OPTN: variants seen among roughly 807,000 people sequenced by gnomAD.
OPTN encodes the protein E3-14.7K-interacting protein.
A neutral mutation model predicts 70.4 loss-of-function variants in OPTN; 54 were observed. The ratio of observed to expected loss-of-function variants is 0.77; its 90% CI spans 0.62 to 0.96. The LOEUF is 0.96. Ranked by LOEUF, OPTN falls within the 40% of genes least tolerant of loss-of-function variation. The pLI, the probability that OPTN is intolerant of heterozygous loss-of-function variation, is 0.00. For missense variants in OPTN, 624 were observed against 673.2 expected, an observed-to-expected ratio of 0.93 and a Z score of 0.81; for synonymous variants, 256 against 248.5, an observed-to-expected ratio of 1.03 and a Z score of -0.28.
intron 2 of OPTN, 55 bp from the exon 3 acceptor site, chr10:13,109,057 G>T: frequency 6.4e-7 from 1 of 1,551,340 alleles, no homozygotes; most frequent in South Asian, 1.1e-5. Context: ...GGACTCCCGG[G>T]GACCCCTTGT....
At position 13,118,903 on chromosome 10, in the gene OPTN, T is replaced by C. The variant is rs1382953522; in HGVS notation, c.642T>C (p.Tyr214=). The C allele has an allele frequency of 1.9e-6, 3 of 1,614,108 alleles. No homozygotes were observed. Among genetic ancestry groups the C allele is most frequent in the Non-Finnish European group, 1.7e-6 (2 of 1,179,984 alleles). The change falls in exon 7 of 15, where the codon TAT becomes TAC. Residue 214 remains tyrosine, a synonymous_variant. Transcript: ENST00000378747. ...TVSTGTALSK[Y]RSRSADGAKN... ...TACTGAACAGGGCATTGTCTAAATATAGGAGCAGATCTGCAGATGGGGCCA... is the reference window on the plus strand; with the variant it reads ...TACTGAACAGGGCATTGTCTAAATACAGGAGCAGATCTGCAGATGGGGCCA...
At chr10:13,114,792 A>AATTATATG (rs1833095283) in intron 5 of OPTN, among the ~76,000 whole-genome samples, 1 of 104,088 alleles carries the variant, frequency 9.6e-6, no homozygotes, top group Non-Finnish European at 1.8e-5. Flanking sequence ...ATAATTATAT[A>AATTATATG]ATTATATATA....
intron 4 of OPTN, among the ~76,000 whole-genome samples, chr10:13,111,827 G>A (rs1170160013): frequency 4.3e-5 from 6 of 140,306 alleles, no homozygotes; most frequent in South Asian, 2.3e-4. Flanking sequence ...AGTTTGATTT[G>A]TATTTGTTTT....
At chr10:13,126,958 A>T (rs1833480519) in intron 11 of OPTN, among the ~76,000 whole-genome samples, 2 of 152,190 alleles carry the variant, frequency 1.3e-5, no homozygotes, top group Non-Finnish European at 2.9e-5. Context: ...TAGGAGGTCA[A>T]GGCTGCAGTG....
chr10:13,119,045 G>A lies in OPTN; in HGVS notation c.779+5G>A, dbSNP rs1353438853. ...ACTCAAGGAGGCCAAAGAAAGGTATGAAATAGGTTAACTTGAAATATGTGT... is the reference window on the plus strand; with the variant it reads ...ACTCAAGGAGGCCAAAGAAAGGTATAAAATAGGTTAACTTGAAATATGTGT... On this transcript the variant is annotated splice_donor_5th_base_variant and intron_variant, in intron 7 of 14. Coordinates refer to ENST00000378747, the MANE Select transcript of OPTN (RefSeq NM_001008212.2). The A allele has an allele frequency of 6.2e-7, 1 of 1,613,622 alleles. No homozygotes were observed. Among genetic ancestry groups the A allele is most frequent in the East Asian group, 2.2e-5 (1 of 44,882 alleles).
At chr10:13,129,458 T>C (rs1241322221) in intron 12 of OPTN, among the ~76,000 whole-genome samples, 4 of 152,016 alleles carry the variant, frequency 2.6e-5, no homozygotes, top group Non-Finnish European at 5.9e-5. Flanking sequence ...GTTCAAGCCA[T>C]TCTCCTGCCT....
At chr10:13,122,756 A>C in intron 8 of OPTN, 1 of 381,158 alleles carries the variant, frequency 2.6e-6, no homozygotes, top group Admixed American at 3.6e-5. Context: ...AGCTCACTGC[A>C]ACCTCCGCCT....
Position 13,127,933 on chromosome 10 carries a change from C to T in OPTN, c.1401+30C>T, listed in dbSNP as rs369724782. 9.1e-5 allele frequency: 147 copies of T among 1,612,384 alleles called. No homozygotes were observed. The highest frequency in any genetic ancestry group is 1.2e-4 in the Non-Finnish European group (137 of 1,178,698). On this transcript the variant is annotated intron_variant, in intron 12 of 14. Coordinates refer to ENST00000378747, the MANE Select transcript of OPTN (RefSeq NM_001008212.2). Reference sequence around the variant, plus strand: ...GGCACCTTCCAAAACCCCAGCTGAGCGAGGCCAGCCCTGACTGTATTCTCG... The same window carrying T: ...GGCACCTTCCAAAACCCCAGCTGAGTGAGGCCAGCCCTGACTGTATTCTCG...
chr10:13,132,278 T>G (rs1833609435), intron 13 of OPTN, 81 bp downstream of exon 13: 2 of 1,544,312 alleles, frequency 1.3e-6, no homozygotes, highest in Non-Finnish European at 1.8e-6. Context: ...CGTTCCTGAT[T>G]TGAACTATAA....
chr10:13,107,387 CT>C (rs869161209), intron 1 of OPTN, among the ~76,000 whole-genome samples: 12,323 of 117,102 alleles, frequency 0.11, 979 homozygotes, highest in African/African-American at 0.24. Flanking sequence ...CCAAAACAGT[CT>C]TTTTTTTTTT....
At chr10:13,116,041 C>T (rs529683024) in intron 5 of OPTN, among the ~76,000 whole-genome samples, 1 of 152,228 alleles carries the variant, frequency 6.6e-6, no homozygotes, top group African/African-American at 2.4e-5. Flanking sequence ...CTGACCTTCA[C>T]GCCTTAGCTG....
chr10:13,108,907 C>T (rs915451440), intron 2 of OPTN: 28 of 587,542 alleles, frequency 4.8e-5, no homozygotes, highest in Non-Finnish European at 6.8e-5. Flanking sequence ...CACACATGCG[C>T]GTGCACACAC....
In OPTN at chr10:13,114,856, TATTCTAC is replaced by T. The variant is rs1564358958; in HGVS notation, c.553-1409_553-1403del. Reference sequence around the variant, plus strand: ...TATATAATTATATAATTGTATAATATATTCTACAATTATATAATTGTATTATATACAC... The same window carrying T: ...TATATAATTATATAATTGTATAATATAATTATATAATTGTATTATATACAC... On this transcript the variant is annotated intron_variant, in intron 5 of 14. Transcript: ENST00000378747. 9.8e-4 allele frequency among the ~76,000 whole-genome samples: 28 copies of T among 28,582 alleles called. 4 individuals are homozygous for T. Among genetic ancestry groups the T allele is most frequent in the Admixed American group, 4.7e-3 (8 of 1,708 alleles). The allele number at this position is 28,582 out of a possible 152,430, so 18.8% of individuals were successfully genotyped here.
intron 1 of OPTN, among the ~76,000 whole-genome samples, chr10:13,104,242 T>G (rs970152105): frequency 1.4e-5 from 2 of 142,760 alleles, no homozygotes; most frequent in South Asian, 2.3e-4. Flanking sequence ...TCAGTTAAAT[T>G]AGTTTTTTTT....
intron 1 of OPTN, among the ~76,000 whole-genome samples, chr10:13,104,396 C>A (rs1349895527): frequency 3.4e-5 from 5 of 147,016 alleles, no homozygotes; most frequent in Admixed American, 2.7e-4. Flanking sequence ...GTAGCTGGGA[C>A]TACAGGCATG....
At chr10:13,102,294 G>T (rs1476956123) in intron 1 of OPTN, among the ~76,000 whole-genome samples, 1 of 152,210 alleles carries the variant, frequency 6.6e-6, no homozygotes, top group African/African-American at 2.4e-5. Context: ...GGTCAGTTGG[G>T]CCTGGGCCCT....
chr10:13,119,514 A>G (rs1307079081), intron 7 of OPTN, among the ~76,000 whole-genome samples: 3 of 152,198 alleles, frequency 2.0e-5, no homozygotes, highest in Non-Finnish European at 2.9e-5. Flanking sequence ...TGCTATGAAC[A>G]GTGTGTACAA....
chr10:13,110,488 G>A lies in OPTN; in HGVS notation c.369+12G>A, dbSNP rs567649467. ...AAAGGTCATCTGAGGTGAGCAGACC[G>A]ATCCATTGTGATGTTGTTTTTTTTT... On this transcript the variant is annotated intron_variant, in intron 4 of 14. Coordinates refer to ENST00000378747, the MANE Select transcript of OPTN (RefSeq NM_001008212.2). The A allele has an allele frequency of 1.3e-5, 21 of 1,590,750 alleles. No homozygotes were observed. Among genetic ancestry groups the A allele is most frequent in the South Asian group, 5.6e-5 (5 of 89,390 alleles).
intron 7 of OPTN, 94 bp downstream of exon 7, chr10:13,119,134 A>G (rs1381209982): frequency 8.5e-7 from 1 of 1,171,002 alleles, no homozygotes; most frequent in South Asian, 1.3e-5. Context: ...TTTAAAGTAT[A>G]CATTTCAGTG....
Sources: gnomAD v4.1 joint callset for allele counts (sites outside exome capture counted in the v4.1 genomes callset) on GRCh38, gnomAD v4.1.1 for gene constraint, MANE v1.5 for transcripts, NCBI Gene and HGNC (gene_info 2026-07-23, HGNC 2026-07-21) for gene names.